Variants in DSG1 observed in about 807,000 individuals in gnomAD.
The protein encoded by DSG1 is desmoglein 1.
A neutral mutation model predicts 97.5 loss-of-function variants in DSG1; 39 were observed. That is an observed-to-expected ratio of 0.40 (90% CI 0.31 to 0.52). The LOEUF is 0.52. DSG1 is among the 20% of genes least tolerant of loss of function. The probability of loss-of-function intolerance (pLI) is 0.53; values close to 1 mark genes in which losing one functional copy is unlikely to be tolerated. For missense variants in DSG1, 1,311 were observed against 1,295.4 expected (o/e 1.01, Z -0.18); for synonymous variants, 475 against 443.4 (o/e 1.07, Z -0.90).
At chr18:31,328,473 C>A in intron 4 of DSG1, 129 bp downstream of exon 4, 1 of 893,652 alleles carries the variant, frequency 1.1e-6, no homozygotes, top group Non-Finnish European at 1.8e-6. Flanking sequence ...TCTTAATTCA[C>A]GAGCATCCCA....
In DSG1 at chr18:31,353,408, T is replaced by C. The variant is rs1308085914; in HGVS notation, c.2101-889T>C. On this transcript the variant is annotated intron_variant, in intron 14 of 14. Transcript: ENST00000257192. The stretch of plus-strand genomic sequence containing the variant: ...CAGGGACATTTAAGTCTGCAGAGGT[T>C]ACTGCTGTCTTTTTGTTTGTCTGTG... 3.3e-5 allele frequency among the ~76,000 whole-genome samples: 5 copies of C among 150,754 alleles called. No homozygotes were observed. In the East Asian group the frequency reaches 9.9e-4, roughly 30 times the overall value.
chr18:31,322,588 T>C (rs1046279324), intron 1 of DSG1, among the ~76,000 whole-genome samples: 12 of 152,196 alleles, frequency 7.9e-5, no homozygotes, highest in African/African-American at 2.9e-4. Flanking sequence ...CTCAGACTGA[T>C]ACCCTTTGTC....
At chr18:31,327,679 C>T (rs1460600) in intron 3 of DSG1, among the ~76,000 whole-genome samples, 62,515 of 151,670 alleles carry the variant, frequency 0.41, 14,068 homozygotes, top group Non-Finnish European at 0.5. Flanking sequence ...ACACCCTTCC[C>T]ATTTTCAGAA....
chr18:31,346,575 A>G (rs1431780120), intron 14 of DSG1, among the ~76,000 whole-genome samples: 1 of 151,996 alleles, frequency 6.6e-6, no homozygotes, highest in Non-Finnish European at 1.5e-5. Context: ...GTGTTTGCTT[A>G]TCCTGTGCCC....
chr18:31,341,095 GGTGGCTGTTAACATT>G (rs1221903431), intron 11 of DSG1, among the ~76,000 whole-genome samples: 2 of 152,182 alleles, frequency 1.3e-5, no homozygotes, highest in Non-Finnish European at 2.9e-5. Flanking sequence ...GGACTCTCCA[GGTGGCTGTTAACATT>G]ACCTCGAATG....
chr18:31,333,526 A>G, intron 6 of DSG1, 63 bp from the exon 7 acceptor site: 3 of 1,609,230 alleles, frequency 1.9e-6, no homozygotes, highest in Non-Finnish European at 1.7e-6. Context: ...AAAGAACTTT[A>G]CATAAGACAA....
At position 31,339,769 on chromosome 18, in the gene DSG1, T is replaced by G. The variant is rs763232906; in HGVS notation, c.1431T>G (p.Gly477=). 8.1e-5 allele frequency: 131 copies of G among 1,612,154 alleles called. No homozygotes were observed. Among genetic ancestry groups the G allele is most frequent in the Non-Finnish European group, 1.0e-4 (119 of 1,178,398 alleles). ...ATAATCTTCAAAGAACTTGCACTGG[T>G]ACAATTAATATTAACATTCAAAGTT... ...IDDNLQRTCT[G]TININIQSFG... is the part of the protein sequence containing the mutation. Residue 477 remains glycine (G), a synonymous_variant, in exon 11 of 15, where the codon GGT becomes GGG. Coordinates refer to ENST00000257192, the MANE Select transcript of DSG1 (RefSeq NM_001942.4).
chr18:31,357,346 G>C lies in DSG1; in HGVS notation c.*2000G>C, dbSNP rs929482956. On this transcript the variant is annotated 3_prime_UTR_variant, in exon 15 of 15. Coordinates refer to ENST00000257192, the MANE Select transcript of DSG1 (RefSeq NM_001942.4). ...CACTTAGGGGGCCACATTAAGGATG[G>C]GTAATCTTTCCAGGAATAAAGTCAA... is the stretch of plus-strand genomic sequence containing the variant. Among the ~76,000 whole-genome samples, 1 of 151,884 alleles carries C rather than the reference G, an allele frequency of 6.6e-6. No individual in the cohort carries two copies. Among genetic ancestry groups the C allele is most frequent in the Admixed American group, 6.6e-5 (1 of 15,252 alleles).
intron 1 of DSG1, among the ~76,000 whole-genome samples, chr18:31,319,059 G>A (rs190313540): frequency 3.9e-5 from 6 of 152,200 alleles, no homozygotes; most frequent in Admixed American, 3.3e-4. Context: ...TGATGACTGC[G>A]ATATAAAAGT....
At position 31,356,659 on chromosome 18, in the gene DSG1, AT is replaced by A. The variant is rs2071961746; in HGVS notation, c.*1315del. On this transcript the variant is annotated 3_prime_UTR_variant, in exon 15 of 15. Transcript: ENST00000257192. ...AAGCATGAAATAATAATAGAAACCT[AT>A]TCTGCTAGTTTATCTCACCCTCTAA... 1 of 152,160 alleles carries A rather than the reference AT, an allele frequency of 6.6e-6. No individual in the cohort carries two copies. The highest frequency in any genetic ancestry group is 1.5e-5 in the Non-Finnish European group (1 of 68,012). 9.4% of individuals were successfully genotyped at this position (152,160 alleles called of 1,614,324 possible).
Position 31,354,921 on chromosome 18 carries a change from C to T in DSG1, c.2725C>T (p.Leu909=). The change falls in exon 15 of 15, where the codon CTG becomes TTG. Residue 909 remains leucine (L), a synonymous_variant. Coordinates refer to ENST00000257192, the MANE Select transcript of DSG1 (RefSeq NM_001942.4). ...IAPSSSLPTS[L]TIHHPRESSN... is the part of the protein sequence containing the mutation. ...ACCAAGCTCTAGTCTACCCACCTCT[C>T]TGACTATCCATCATCCTAGAGAGTC... 1 of 1,614,216 alleles carries T rather than the reference C, an allele frequency of 6.2e-7. No individual in the cohort carries two copies. The highest frequency in any genetic ancestry group is 8.5e-7 in the Non-Finnish European group (1 of 1,180,044).
intron 13 of DSG1, among the ~76,000 whole-genome samples, chr18:31,344,996 T>A (rs1276780881): frequency 6.6e-6 from 1 of 152,190 alleles, no homozygotes; most frequent in Non-Finnish European, 1.5e-5. Context: ...ATTTGTCCAT[T>A]TTCATTAATA....
At chr18:31,343,666 TCA>T in intron 12 of DSG1, 83 bp downstream of exon 12, 1 of 1,584,304 alleles carries the variant, frequency 6.3e-7, no homozygotes, top group Non-Finnish European at 8.7e-7. Context: ...CCGCCATCAC[TCA>T]CAGTCTATGC....
chr18:31,340,760 T>A (rs1382983651), intron 11 of DSG1, among the ~76,000 whole-genome samples: 1 of 152,132 alleles, frequency 6.6e-6, no homozygotes, highest in African/African-American at 2.4e-5. Context: ...AAGATGCGCA[T>A]GACAGCATGG....
At chr18:31,320,066 GT>G (rs1198532192) in intron 1 of DSG1, among the ~76,000 whole-genome samples, 1 of 151,908 alleles carries the variant, frequency 6.6e-6, no homozygotes, top group Non-Finnish European at 1.5e-5. Context: ...GACATCATAG[GT>G]TTTTTTGGAA....
intron 1 of DSG1, among the ~76,000 whole-genome samples, chr18:31,322,055 C>A (rs759611093): frequency 6.6e-6 from 1 of 152,190 alleles, no homozygotes; most frequent in Non-Finnish European, 1.5e-5. Flanking sequence ...TTTTTAAATG[C>A]CATTGGCTGC....
chr18:31,349,974 A>G (rs1191789042), intron 14 of DSG1, among the ~76,000 whole-genome samples: 6 of 9,760 alleles, frequency 6.1e-4, no homozygotes, highest in Admixed American at 1.6e-3. Context: ...TCTCCTGCCT[A>G]ATTGCCCTGG....
rs775677745 is a variant in DSG1 at position 31,334,023 on chromosome 18, A to T, written c.826A>T (p.Ile276Leu). 2.5e-6 allele frequency: 4 copies of T among 1,601,986 alleles called. No individual in the cohort carries two copies. Among genetic ancestry groups the T allele is most frequent in the Non-Finnish European group, 3.4e-6 (4 of 1,169,368 alleles). The change falls in exon 8 of 15, where the codon ATA (isoleucine) becomes TTA (leucine). Residue 276 changes from isoleucine to leucine, a missense_variant. This residue lies in a region of DSG1 where 1,038 missense variants were observed against 964.6 expected (regional missense o/e 1.08). Coordinates refer to ENST00000257192, the MANE Select transcript of DSG1 (RefSeq NM_001942.4). ...TTTTCACTTCTTGTTTCAGTATACC[A>T]TAGAAATTCAAGAAAATACTCTAAA... ...IPYMEQSSYT[I>L]EIQENTLNSN...
intron 9 of DSG1, 75 bp downstream of exon 9, chr18:31,336,688 G>C: frequency 7.0e-7 from 1 of 1,426,972 alleles, no homozygotes; most frequent in Non-Finnish European, 9.8e-7. Flanking sequence ...TAGATTATAA[G>C]TATCTGAGTT....
Sources: allele counts gnomAD v4.1 joint callset (sites outside exome capture counted in the v4.1 genomes callset), GRCh38; gene constraint gnomAD v4.1.1; regional missense constraint gnomAD v4.1.1; transcripts MANE v1.5; gene names NCBI Gene and HGNC (gene_info 2026-07-23, HGNC 2026-07-21).